The following KLHL5 variants were observed in gnomAD, a reference collection of about 807,000 sequenced individuals.
KLHL5 encodes the protein kelch like family member 5.
Under a neutral mutation model 77.7 loss-of-function variants are expected in KLHL5, and 48 were observed. The observed-to-expected ratio is 0.62, with a 90% CI of 0.49 to 0.79. The LOEUF is 0.79. Ranked by LOEUF, KLHL5 falls within the 30% of genes least tolerant of loss-of-function variation. The probability of loss-of-function intolerance (pLI) is 0.00; values close to 1 mark genes in which losing one functional copy is unlikely to be tolerated. For missense variants in KLHL5, 723 were observed against 859.7 expected, an observed-to-expected ratio of 0.84 and a Z score of 1.99; for synonymous variants, 260 against 297.0, an observed-to-expected ratio of 0.88 and a Z score of 1.28.
At position 39,062,610 on chromosome 4, in the gene KLHL5, G is replaced by A. The variant is rs1166367641; in HGVS notation, c.-43G>A. ...TTGGATGCACAAATCTGTGTGCAGT[G>A]CTTTTTGCCCGTTGCCTAGACGATC... is the stretch of plus-strand genomic sequence containing the variant. On this transcript the variant is annotated 5_prime_UTR_variant, in exon 1 of 11. Coordinates refer to ENST00000504108, the MANE Select transcript of KLHL5 (RefSeq NM_015990.5). 1 of 1,614,006 alleles carries A rather than the reference G, an allele frequency of 6.2e-7. No individual in the cohort carries two copies. The highest frequency in any genetic ancestry group is 2.2e-5 in the East Asian group (1 of 44,902).
At chr4:39,080,441 G>C (rs1040110052) in intron 2 of KLHL5, among the ~76,000 whole-genome samples, 2 of 151,798 alleles carry the variant, frequency 1.3e-5, no homozygotes, top group Non-Finnish European at 2.9e-5. Flanking sequence ...CAGGAGAATT[G>C]CTTGAACCTG....
At chr4:39,058,959 A>G (rs1271579839), upstream of KLHL5, among the ~76,000 whole-genome samples, 5 of 152,164 alleles carry the variant, frequency 3.3e-5, no homozygotes, top group African/African-American at 1.2e-4. Flanking sequence ...GAAAAAAATT[A>G]GGAGGGTCAG....
intron 1 of KLHL5, among the ~76,000 whole-genome samples, chr4:39,055,787 G>A (rs2711951): frequency 0.73 from 110,539 of 151,990 alleles, 40,345 homozygotes; most frequent in East Asian, 0.83. Flanking sequence ...GTGTATCTTC[G>A]TCATGCTGTA....
downstream of KLHL5, among the ~76,000 whole-genome samples, chr4:39,130,902 G>A (rs149654457): frequency 1.2e-4 from 18 of 151,968 alleles, no homozygotes; most frequent in African/African-American, 4.3e-4. Flanking sequence ...CAGCTTAATG[G>A]TGTGATCTCG....
intron 10 of KLHL5, among the ~76,000 whole-genome samples, chr4:39,119,277 T>C (rs1214377853): frequency 2.0e-5 from 3 of 152,132 alleles, no homozygotes; most frequent in Non-Finnish European, 4.4e-5. Context: ...CTCGTTATCA[T>C]AGTGTCTGAA....
downstream of KLHL5, among the ~76,000 whole-genome samples, chr4:39,128,851 A>G (rs1723678256): frequency 6.6e-6 from 1 of 152,088 alleles, no homozygotes; most frequent in Admixed American, 6.6e-5. Context: ...CTCTGGTCCC[A>G]GCTACTCAGG....
chr4:39,047,128 G>T (rs970190200), intron 1 of KLHL5, among the ~76,000 whole-genome samples: 1 of 152,110 alleles, frequency 6.6e-6, no homozygotes, highest in Admixed American at 6.5e-5. Flanking sequence ...TAGAAAAATA[G>T]ATGAATTAGC....
At chr4:39,099,381 T>C (rs114456163) in intron 6 of KLHL5, among the ~76,000 whole-genome samples, 4,979 of 152,262 alleles carry the variant, frequency 0.033, 105 homozygotes, top group Non-Finnish European at 0.047. Context: ...CTGTGTGTTA[T>C]CCCTCAATAT....
At chr4:39,112,804 AGT>A (rs1722541397) in intron 8 of KLHL5, 1 of 500,892 alleles carries the variant, frequency 2.0e-6, no homozygotes, top group Non-Finnish European at 3.6e-6. Flanking sequence ...CTTCATGTGC[AGT>A]TTGTTTTCCT....
At position 39,076,003 on chromosome 4, in the gene KLHL5, C is replaced by A; in HGVS notation, c.422C>A (p.Thr141Asn). Residue 141 changes from threonine to asparagine, a missense_variant, in exon 2 of 11, where the codon ACT (threonine) becomes AAT (asparagine). By Grantham distance (65) the Thr-to-Asn change is moderately conservative. Transcript: ENST00000504108. ...AGTCAGACATTATCATCCTGTCATA[C>A]TATGGAGCCATGTACATCAGATGAA... ...NSSQTLSSCH[T>N]MEPCTSDEFF... 6.2e-7 allele frequency: 1 copy of A among 1,612,170 alleles called. No individual in the cohort carries two copies. Among genetic ancestry groups the A allele is most frequent in the Non-Finnish European group, 8.5e-7 (1 of 1,179,392 alleles).
intron 8 of KLHL5, among the ~76,000 whole-genome samples, chr4:39,109,637 CTTT>C (rs60921018): frequency 7.8e-5 from 10 of 128,546 alleles, no homozygotes; most frequent in Non-Finnish European, 4.9e-5. Context: ...CTTTTTTTTT[CTTT>C]TTTTTTTTTT....
chr4:39,062,820 A>G lies in KLHL5; in HGVS notation c.168A>G (p.Pro56=). The change falls in exon 1 of 11, where the codon CCA becomes CCG. Residue 56 remains proline, a synonymous_variant. Coordinates refer to ENST00000504108, the MANE Select transcript of KLHL5 (RefSeq NM_015990.5). ...ACGGTGGGAGAAAGTTTTTAGATCC[A>G]TGTAGCCTACAATTGCCTTTGGCTT... ...GANGGRKFLD[P]CSLQLPLASI... 1 of 1,614,174 alleles carries G rather than the reference A, an allele frequency of 6.2e-7. No homozygotes were observed. The highest frequency in any genetic ancestry group is 1.3e-5 in the African/African-American group (1 of 75,052).
chr4:39,086,396 T>C (rs1720038585), intron 4 of KLHL5, 119 bp from the exon 5 acceptor site: 2 of 756,714 alleles, frequency 2.6e-6, no homozygotes, highest in Non-Finnish European at 4.5e-6. Context: ...TATTACATTG[T>C]AAGGTCTAAA....
At chr4:39,136,767 C>A in the KLHL5 span, among the ~76,000 whole-genome samples, 1 of 152,292 alleles carries the variant, frequency 6.6e-6, no homozygotes, top group African/African-American at 2.4e-5. Context: ...GGGGAAGGTG[C>A]CTGTCCAGGG....
In KLHL5 at chr4:39,081,669, CA is replaced by C. The variant is rs879362229; in HGVS notation, c.704-279del. Among the ~76,000 whole-genome samples, 1,539 of 114,010 alleles carry C rather than the reference CA, an allele frequency of 0.013. 13 individuals carry two copies. Among genetic ancestry groups the C allele is most frequent in the Middle Eastern group, 0.047 (11 of 234 alleles). The allele number at this position is 114,010 out of a possible 152,430, so 74.8% of individuals were successfully genotyped here. A position where few individuals can be genotyped will look rare whatever the true frequency, so the allele number is the denominator to read the frequency against. ...TGGGCAATAGAACAAGACCGTGTCT[CA>C]AAAAAAAAAAAAAATTGAGAGTTAT... On this transcript the variant is annotated intron_variant, in intron 3 of 10. Transcript: ENST00000504108. This position sits in a 1 kb window ranked among gnomAD's most constrained non-coding sequence, Gnocchi z 4.3.
At chr4:39,105,053 A>C (rs1248914399) in intron 7 of KLHL5, among the ~76,000 whole-genome samples, 1 of 152,072 alleles carries the variant, frequency 6.6e-6, no homozygotes, top group Non-Finnish European at 1.5e-5. Flanking sequence ...ATGAGCCACC[A>C]CGCCTGGCCT....
At chr4:39,067,800 C>T (rs1718034987) in intron 1 of KLHL5, among the ~76,000 whole-genome samples, 1 of 152,030 alleles carries the variant, frequency 6.6e-6, no homozygotes, top group Admixed American at 6.6e-5. Context: ...CCTGCCTCAG[C>T]CCCCAGAGTA....
intron 6 of KLHL5, 45 bp from the exon 7 acceptor site, chr4:39,103,242 A>G (rs1223488315): frequency 1.5e-6 from 2 of 1,311,912 alleles, no homozygotes; most frequent in African/African-American, 1.5e-5. Flanking sequence ...ATTACCAATC[A>G]TGGTATAATT....
chr4:39,125,410 A>G lies in KLHL5; in HGVS notation c.*4344A>G, dbSNP rs533753900. On this transcript the variant is annotated 3_prime_UTR_variant, in exon 11 of 11. Transcript: ENST00000504108. ...TCACGCAAATATTCATTGCAGCACTAGTCACAGTAGCCAAAAAAGAGGAAA... is the reference window on the plus strand; with the variant it reads ...TCACGCAAATATTCATTGCAGCACTGGTCACAGTAGCCAAAAAAGAGGAAA... 5.8e-4 allele frequency among the ~76,000 whole-genome samples: 89 copies of G among 152,312 alleles called. No individual in the cohort carries two copies. The highest frequency in any genetic ancestry group is 2.0e-3 in the African/African-American group (84 of 41,568).
Sources: allele counts gnomAD v4.1 joint callset (sites outside exome capture counted in the v4.1 genomes callset), GRCh38; gene constraint gnomAD v4.1.1; non-coding constraint Gnocchi (gnomAD v3.1); transcripts MANE v1.5; gene names NCBI Gene and HGNC (gene_info 2026-07-23, HGNC 2026-07-21).